PJA2: variants seen among roughly 807,000 people sequenced by gnomAD.
The protein encoded by PJA2 is E3 ubiquitin-protein ligase Praja-2.
Under a neutral mutation model 69.3 loss-of-function variants are expected in PJA2, and 25 were observed. The ratio of observed to expected loss-of-function variants is 0.36; its 90% CI spans 0.26 to 0.50. The LOEUF (loss-of-function observed/expected upper bound fraction) is 0.50. Among genes scored for constraint, PJA2 ranks in the 20% least tolerant of loss-of-function variants. The pLI is 0.96. For synonymous variants in PJA2, 308 were observed against 277.8 expected, an observed-to-expected ratio of 1.11 and a Z score of -1.08; for missense variants, 809 against 830.2, an observed-to-expected ratio of 0.97 and a Z score of 0.31.
chr5:109,389,252 G>A (rs537363266), intron 1 of PJA2, among the ~76,000 whole-genome samples: 1 of 152,086 alleles, frequency 6.6e-6, no homozygotes, highest in Non-Finnish European at 1.5e-5. Flanking sequence ...ATGTAAGGCA[G>A]ATTTGTCAGT....
At chr5:109,340,657 TCCCCCTCCCC>T (rs1561338788) in intron 9 of PJA2, among the ~76,000 whole-genome samples, 23 of 1,590 alleles carry the variant, frequency 0.014, 7 homozygotes, top group African/African-American at 0.042. Context: ...CCCCTCCCCC[TCCCCCTCCCC>T]CTCCCTCTCC....
At chr5:109,383,086 G>A (rs1582617760) in intron 2 of PJA2, among the ~76,000 whole-genome samples, 1 of 152,236 alleles carries the variant, frequency 6.6e-6, no homozygotes, top group Non-Finnish European at 1.5e-5. Flanking sequence ...TTAAAATTAA[G>A]TGTTGGATAA....
At chr5:109,345,285 G>C (rs1263527324) in intron 7 of PJA2, among the ~76,000 whole-genome samples, 2 of 151,552 alleles carry the variant, frequency 1.3e-5, no homozygotes, top group African/African-American at 2.4e-5. Flanking sequence ...GAACCCAGGA[G>C]GTAGAGGTTG....
chr5:109,361,486 C>T (rs1762504270), intron 6 of PJA2, among the ~76,000 whole-genome samples: 1 of 152,154 alleles, frequency 6.6e-6, no homozygotes, highest in African/African-American at 2.4e-5. Context: ...TAATTGCCTC[C>T]CAACATGCAT....
At chr5:109,398,326 C>T (rs1335479705) in intron 1 of PJA2, among the ~76,000 whole-genome samples, 1 of 152,056 alleles carries the variant, frequency 6.6e-6, no homozygotes, top group African/African-American at 2.4e-5. Flanking sequence ...CACATGCACA[C>T]GTATGTTTAC....
intron 1 of PJA2, among the ~76,000 whole-genome samples, chr5:109,392,287 A>G (rs1265518871): frequency 2.6e-5 from 4 of 152,136 alleles, no homozygotes; most frequent in African/African-American, 7.2e-5. Flanking sequence ...CAGACCGGGC[A>G]TGGTGGCTCT....
intron 9 of PJA2, among the ~76,000 whole-genome samples, chr5:109,340,312 C>G (rs527715261): frequency 6.6e-6 from 1 of 151,694 alleles, no homozygotes; most frequent in African/African-American, 2.4e-5. Flanking sequence ...AACTGGATTT[C>G]AGAGATTTTA....
intron 7 of PJA2, among the ~76,000 whole-genome samples, chr5:109,350,441 T>C (rs1377175013): frequency 6.6e-6 from 1 of 152,188 alleles, no homozygotes; most frequent in African/African-American, 2.4e-5. Flanking sequence ...AATTTTGTTC[T>C]AAAGAATAAA....
intron 2 of PJA2, among the ~76,000 whole-genome samples, chr5:109,381,984 CA>C (rs1747060645): frequency 6.6e-6 from 1 of 151,934 alleles, no homozygotes; most frequent in Admixed American, 6.6e-5. Flanking sequence ...TGAAACCTAT[CA>C]AAAAATATTT....
intron 1 of PJA2, among the ~76,000 whole-genome samples, chr5:109,390,392 T>C (rs1036370135): frequency 2.0e-5 from 3 of 152,052 alleles, no homozygotes; most frequent in Non-Finnish European, 4.4e-5. Context: ...CTGGTATTAA[T>C]ATAGCCACAT....
At chr5:109,377,451 T>C (rs1479122790) in intron 4 of PJA2, among the ~76,000 whole-genome samples, 2 of 152,122 alleles carry the variant, frequency 1.3e-5, no homozygotes, top group African/African-American at 4.8e-5. Context: ...CTTTTTCTGT[T>C]GTCTTATGGT....
intron 7 of PJA2, among the ~76,000 whole-genome samples, chr5:109,345,464 C>T (rs1443283680): frequency 7.3e-6 from 1 of 137,818 alleles, no homozygotes; most frequent in Non-Finnish European, 1.5e-5. Flanking sequence ...TTGCAGTGAG[C>T]TGAGATCACC....
chr5:109,372,846 G>GC (rs1284509433), intron 4 of PJA2, among the ~76,000 whole-genome samples: 1 of 137,636 alleles, frequency 7.3e-6, no homozygotes, highest in African/African-American at 2.6e-5. Flanking sequence ...TGGAGGTTGT[G>GC]GTGAGCCAAG....
At chr5:109,364,648 T>C (rs1013409024) in intron 5 of PJA2, among the ~76,000 whole-genome samples, 19 of 140,148 alleles carry the variant, frequency 1.4e-4, no homozygotes, top group Non-Finnish European at 2.6e-4. Context: ...AAAATTTCAG[T>C]GTCATTCTAA....
intron 1 of PJA2, among the ~76,000 whole-genome samples, chr5:109,387,942 G>A (rs913897483): frequency 3.3e-5 from 5 of 152,156 alleles, no homozygotes; most frequent in African/African-American, 1.2e-4. Flanking sequence ...TCCTTTCTCT[G>A]ATGGAAATGT....
chr5:109,372,042 AT>A (rs1180000241), intron 4 of PJA2, among the ~76,000 whole-genome samples: 1 of 152,138 alleles, frequency 6.6e-6, no homozygotes, highest in African/African-American at 2.4e-5. Flanking sequence ...TTTTTTTAAC[AT>A]TTTTTTAAAC....
At chr5:109,349,433 C>G (rs888531997) in intron 7 of PJA2, among the ~76,000 whole-genome samples, 1 of 152,196 alleles carries the variant, frequency 6.6e-6, no homozygotes, top group African/African-American at 2.4e-5. Context: ...TCGTGGCTTT[C>G]TCTAGCACTA....
intron 7 of PJA2, among the ~76,000 whole-genome samples, chr5:109,345,261 CAGG>C (rs1241159154): frequency 6.7e-5 from 10 of 149,256 alleles, no homozygotes; most frequent in African/African-American, 2.5e-4. Flanking sequence ...GAGGCTGAGG[CAGG>C]AGAATTGCTT....
rs189233397 is a variant in PJA2 at position 109,366,761 on chromosome 5, A to C, written c.1469+1800T>G. Reference sequence around the variant, plus strand: ...TGCTCAATAAATATTTGCTGAGTGAATAACTGCTAACACAAATGACATATG... The same window carrying C: ...TGCTCAATAAATATTTGCTGAGTGACTAACTGCTAACACAAATGACATATG... On this transcript the variant is annotated intron_variant, in intron 5 of 9. Transcript: ENST00000361189. Among the ~76,000 whole-genome samples, 358 of 152,346 alleles carry C rather than the reference A, an allele frequency of 2.3e-3. 1 individual carries two copies. Among genetic ancestry groups the C allele is most frequent in the African/African-American group, 8.2e-3 (341 of 41,576 alleles).
Sources: allele counts gnomAD v4.1 joint callset (sites outside exome capture counted in the v4.1 genomes callset), GRCh38; gene constraint gnomAD v4.1.1; transcripts MANE v1.5; gene names NCBI Gene and HGNC (gene_info 2026-07-23, HGNC 2026-07-21).